Variants in PLSCR4 observed in about 807,000 individuals in gnomAD.
The protein encoded by PLSCR4 is Ca(2+)-dependent phospholipid scramblase 4.
A neutral mutation model predicts 36.3 loss-of-function variants in PLSCR4; 25 were observed. The observed-to-expected ratio is 0.69, with a 90% CI of 0.50 to 0.96. The LOEUF is 0.96. Ranked by LOEUF, PLSCR4 falls within the 40% of genes least tolerant of loss-of-function variation. The pLI is 0.00. For missense variants in PLSCR4, 408 were observed against 414.7 expected, an observed-to-expected ratio of 0.98 and a Z score of 0.14; for synonymous variants, 122 against 132.9, an observed-to-expected ratio of 0.92 and a Z score of 0.56.
intron 3 of PLSCR4, among the ~76,000 whole-genome samples, chr3:146,212,456 G>GTTTT (rs34304483): frequency 2.2e-5 from 3 of 137,174 alleles, no homozygotes; most frequent in Middle Eastern, 3.9e-3. Context: ...TGTTTTTTGG[G>GTTTT]TTTTTTTTTT....
At chr3:146,244,541 G>A (rs2036271005) in intron 1 of PLSCR4, among the ~76,000 whole-genome samples, 1 of 151,934 alleles carries the variant, frequency 6.6e-6, no homozygotes, top group African/African-American at 2.4e-5. Context: ...AATCTGTTAT[G>A]GTGATCTATG....
chr3:146,205,193 G>T (rs1370095653), intron 4 of PLSCR4, among the ~76,000 whole-genome samples: 1 of 151,912 alleles, frequency 6.6e-6, no homozygotes. Context: ...CAACAAAAAA[G>T]ATTCAGAAGG....
In PLSCR4 at chr3:146,199,919, G is replaced by T; in HGVS notation, c.518C>A (p.Pro173His). The change falls in exon 6 of 9, where the codon CCC becomes CAC. Residue 173 changes from proline (P) to histidine (H), a missense_variant. Physicochemically the swap from Pro to His is moderately conservative, Grantham distance 77. Transcript: ENST00000354952. ...FTRNAYRTLR[P>H]FVLRVTDCMG... ...ACAATCAGTGACCCGGAGGACGAAG[G>T]GCCTTAGTGTCCGATAGGCATTCCT... 6.2e-7 allele frequency: 1 copy of T among 1,613,486 alleles called. No homozygotes were observed.
At chr3:146,201,625 C>T (rs539833479) in intron 4 of PLSCR4, among the ~76,000 whole-genome samples, 10 of 152,182 alleles carry the variant, frequency 6.6e-5, no homozygotes, top group African/African-American at 2.4e-4. Context: ...TTCACTTGAT[C>T]TACAAAGGCC....
rs577442618 is a variant in PLSCR4 at position 146,229,725 on chromosome 3, C to T, written c.-21-7633G>A. Among the ~76,000 whole-genome samples, 264 of 151,658 alleles carry T rather than the reference C, an allele frequency of 1.7e-3. 1 individual carries two copies. Among genetic ancestry groups the T allele is most frequent in the African/African-American group, 6.0e-3 (249 of 41,382 alleles). On this transcript the variant is annotated intron_variant, in intron 1 of 8. Coordinates refer to ENST00000354952, the MANE Select transcript of PLSCR4 (RefSeq NM_020353.3). ...CTGCAAGCTCCGCCTCCCGGGTCCACGCCATTCTCCTGCCTCAGCCTCCCA... is the reference window on the plus strand; with the variant it reads ...CTGCAAGCTCCGCCTCCCGGGTCCATGCCATTCTCCTGCCTCAGCCTCCCA...
rs754488818 is a variant in PLSCR4, at chr3:146,206,721, T to A, written c.159A>T (p.Pro53=). The A allele has an allele frequency of 6.8e-6, 11 of 1,606,536 alleles. No individual in the cohort carries two copies. In the East Asian group the frequency reaches 2.2e-4, roughly 33 times the overall value. ...GTAVPPPTGY[P]GGLPMGYYSP... Reference sequence around the variant, plus strand: ...TGTAGTATCCCATAGGCAAGCCTCCTGGGTAGCCAGTAGGTGGAGGGACAG... The same window carrying A: ...TGTAGTATCCCATAGGCAAGCCTCCAGGGTAGCCAGTAGGTGGAGGGACAG... The change falls in exon 4 of 9, where the codon CCA becomes CCT. Residue 53 remains proline, a synonymous_variant. Coordinates refer to ENST00000354952, the MANE Select transcript of PLSCR4 (RefSeq NM_020353.3).
At chr3:146,213,284 A>G (rs913139770) in intron 3 of PLSCR4, among the ~76,000 whole-genome samples, 2 of 151,098 alleles carry the variant, frequency 1.3e-5, no homozygotes, top group Non-Finnish European at 2.9e-5. Context: ...TATGGAAGAC[A>G]TTGTAAATGA....
Position 146,245,358 on chromosome 3 carries a change from T to C in PLSCR4, c.-22+5602A>G, listed in dbSNP as rs146712863. On this transcript the variant is annotated intron_variant, in intron 1 of 8. Coordinates refer to ENST00000354952, the MANE Select transcript of PLSCR4 (RefSeq NM_020353.3). ...GTTCAGTTTACCAATATAAGACATA[T>C]CTATTTTTTCTCAAATCTCATTTGT... Among the ~76,000 whole-genome samples, 1,299 of 152,178 alleles carry C rather than the reference T, an allele frequency of 8.5e-3. 11 individuals carry two copies. Among genetic ancestry groups the C allele is most frequent in the South Asian group, 0.022 (104 of 4,818 alleles).
chr3:146,197,001 G>A (rs1349928939), intron 6 of PLSCR4, among the ~76,000 whole-genome samples: 1 of 152,148 alleles, frequency 6.6e-6, no homozygotes, highest in Non-Finnish European at 1.5e-5. Context: ...GTTTGCCTCT[G>A]GGATAGACAG....
At chr3:146,224,425 G>C (rs867933870) in intron 1 of PLSCR4, among the ~76,000 whole-genome samples, 1 of 152,192 alleles carries the variant, frequency 6.6e-6, no homozygotes, top group South Asian at 2.1e-4. Flanking sequence ...CTTCAAGAAC[G>C]AAGCCGCGGA....
chr3:146,202,788 T>G (rs1163116630), intron 4 of PLSCR4, among the ~76,000 whole-genome samples: 1 of 152,056 alleles, frequency 6.6e-6, no homozygotes, highest in African/African-American at 2.4e-5. Flanking sequence ...CTAAAACCTT[T>G]GTCATTTCAA....
intron 1 of PLSCR4, among the ~76,000 whole-genome samples, chr3:146,232,861 T>C (rs917105462): frequency 6.6e-6 from 1 of 152,132 alleles, no homozygotes; most frequent in Non-Finnish European, 1.5e-5. Flanking sequence ...CCAATAAACA[T>C]TGCCTAAAGA....
chr3:146,221,086 T>A (rs1290098012), intron 2 of PLSCR4, among the ~76,000 whole-genome samples, 161 bp from the exon 3 acceptor site: 4 of 152,206 alleles, frequency 2.6e-5, no homozygotes, highest in African/African-American at 9.7e-5. Flanking sequence ...TATTAGACAC[T>A]ATTAATAAAT....
chr3:146,225,418 G>C (rs112834035), intron 1 of PLSCR4, among the ~76,000 whole-genome samples: 2,207 of 66,192 alleles, frequency 0.033, 36 homozygotes, highest in African/African-American at 0.1. Context: ...TGCCAGTCCC[G>C]TGCCATGCGC....
In PLSCR4 at chr3:146,206,538, T is replaced by C. The variant is rs755022066; in HGVS notation, c.342A>G (p.Glu114=). 6 of 1,606,558 alleles carry C rather than the reference T, an allele frequency of 3.7e-6. No individual in the cohort carries two copies. The African/African-American group carries it at 8.0e-5, about 21-fold the overall frequency. Residue 114 remains glutamate (E), a synonymous_variant, in exon 4 of 9, where the codon GAA becomes GAG. Coordinates refer to ENST00000354952, the MANE Select transcript of PLSCR4 (RefSeq NM_020353.3). ...TTTCATGGAGTACCTGAACTAAGTA[T>C]TCCAGACCAGGAGGGCAGTTTGCCA... The part of the protein sequence containing the change: ...TPMANCPPGL[E]YLVQLDNIHV...
chr3:146,218,503 T>C (rs2034993369), intron 3 of PLSCR4, among the ~76,000 whole-genome samples: 1 of 151,612 alleles, frequency 6.6e-6, no homozygotes, highest in African/African-American at 2.4e-5. Flanking sequence ...TAAATTTATA[T>C]TTATTTTAAA....
At chr3:146,236,716 G>A (rs147325969) in intron 1 of PLSCR4, among the ~76,000 whole-genome samples, 2,558 of 152,174 alleles carry the variant, frequency 0.017, 77 homozygotes, top group African/African-American at 0.058. Context: ...CCGTTAAACC[G>A]CTTTCTTTTG....
intron 1 of PLSCR4, among the ~76,000 whole-genome samples, chr3:146,242,352 C>G (rs1276185863): frequency 6.6e-6 from 1 of 152,048 alleles, no homozygotes; most frequent in East Asian, 1.9e-4. Context: ...TCCAGTGATC[C>G]CAGGAGCACT....
At chr3:146,241,845 TACTA>T (rs2036162617) in intron 1 of PLSCR4, among the ~76,000 whole-genome samples, 1 of 152,230 alleles carries the variant, frequency 6.6e-6, no homozygotes, top group African/African-American at 2.4e-5. Context: ...AGCTAGGAAT[TACTA>T]ACCGCAAGAT....
Sources: allele counts gnomAD v4.1 joint callset (sites outside exome capture counted in the v4.1 genomes callset), GRCh38; gene constraint gnomAD v4.1.1; transcripts MANE v1.5; gene names NCBI Gene and HGNC (gene_info 2026-07-23, HGNC 2026-07-21).